PRR5L: variants seen among roughly 807,000 people sequenced by gnomAD.
The protein encoded by PRR5L is proline rich 5 like, also known as proline-rich protein 5-like.
A neutral mutation model predicts 36.4 loss-of-function variants in PRR5L; 21 were observed. That is an observed-to-expected ratio of 0.58 (90% CI 0.41 to 0.83). The LOEUF is 0.83. Ranked by LOEUF, PRR5L falls within the 40% of genes least tolerant of loss-of-function variation. The probability of loss-of-function intolerance (pLI) is 0.00; values close to 1 mark genes in which losing one functional copy is unlikely to be tolerated. For missense variants in PRR5L, 381 were observed against 473.3 expected (o/e 0.80, Z 1.81); for synonymous variants, 188 against 197.0 (o/e 0.95, Z 0.38).
At chr11:36,359,321 C>T (rs1857060875) in intron 1 of PRR5L, among the ~76,000 whole-genome samples, 1 of 152,202 alleles carries the variant, frequency 6.6e-6, no homozygotes, top group Non-Finnish European at 1.5e-5. Flanking sequence ...AGAGAGGCCA[C>T]AGTCACTTCC....
At chr11:36,327,974 G>A (rs1856681906) in intron 1 of PRR5L, among the ~76,000 whole-genome samples, 1 of 151,814 alleles carries the variant, frequency 6.6e-6, no homozygotes, top group African/African-American at 2.4e-5. Context: ...CTGGGTACAT[G>A]TTCTCAGGAC....
In PRR5L at chr11:36,390,103, AG is replaced by A. The variant is rs1290571191; in HGVS notation, c.-125-10893del. On this transcript the variant is annotated intron_variant, in intron 1 of 8. Coordinates refer to ENST00000530639, the MANE Select transcript of PRR5L (RefSeq NM_001160167.2). ...ACAAACCTATAACAAATAATTCTGT[AG>A]TCATTTATTAAGGCAGATTATGACA... Among the ~76,000 whole-genome samples, 14 of 152,322 alleles carry A rather than the reference AG, an allele frequency of 9.2e-5. No homozygotes were observed. In the Middle Eastern group the frequency reaches 0.01, roughly 111 times the overall value.
chr11:36,436,071 C>A (rs1313318264), intron 5 of PRR5L, among the ~76,000 whole-genome samples: 1 of 152,152 alleles, frequency 6.6e-6, no homozygotes, highest in African/African-American at 2.4e-5. Flanking sequence ...TGAATTTCAC[C>A]CTGACCTTTC....
intron 1 of PRR5L, among the ~76,000 whole-genome samples, chr11:36,391,199 C>T (rs1165822316): frequency 6.6e-6 from 1 of 152,176 alleles, no homozygotes; most frequent in Non-Finnish European, 1.5e-5. Flanking sequence ...TATAAGCCAC[C>T]CACTTCTTTA....
At chr11:36,374,107 T>TTCCTTCCTTCCTTCCTGC (rs1554989613) in intron 1 of PRR5L, among the ~76,000 whole-genome samples, 1 of 90,506 alleles carries the variant, frequency 1.1e-5, no homozygotes, top group Non-Finnish European at 2.5e-5. Context: ...CCTTCCTTCC[T>TTCCTTCCTTCCTTCCTGC]CTCTCTCTCT....
intron 1 of PRR5L, among the ~76,000 whole-genome samples, chr11:36,333,944 G>A (rs1590451329): frequency 2.0e-5 from 3 of 152,186 alleles, no homozygotes; most frequent in South Asian, 4.1e-4. Flanking sequence ...GGCTAGTAAA[G>A]CAGTCCACAC....
At chr11:36,439,525 C>T (rs1858676875) in intron 6 of PRR5L, among the ~76,000 whole-genome samples, 1 of 152,206 alleles carries the variant, frequency 6.6e-6, no homozygotes, top group South Asian at 2.1e-4. Flanking sequence ...ATGGCCCCCA[C>T]CTTGCTGGCT....
chr11:36,313,999 C>T (rs1030471059), intron 1 of PRR5L, among the ~76,000 whole-genome samples: 1 of 152,086 alleles, frequency 6.6e-6, no homozygotes, highest in African/African-American at 2.4e-5. Context: ...TATTTAAATT[C>T]CATGTGCTTC....
chr11:36,342,236 T>G (rs1441732765), intron 1 of PRR5L, among the ~76,000 whole-genome samples: 1 of 152,198 alleles, frequency 6.6e-6, no homozygotes, highest in Non-Finnish European at 1.5e-5. Flanking sequence ...TAGAGAAGTT[T>G]CTATAAACCG....
At chr11:36,304,719 A>G (rs1249538559) in intron 1 of PRR5L, among the ~76,000 whole-genome samples, 3 of 152,230 alleles carry the variant, frequency 2.0e-5, no homozygotes, top group African/African-American at 7.2e-5. Context: ...GCCATGATAT[A>G]TAAATTAATT....
At position 36,401,243 on chromosome 11, in the gene PRR5L, C is replaced by T. The variant is rs567974104; in HGVS notation, c.122C>T (p.Ala41Val). 6.2e-7 allele frequency: 1 copy of T among 1,613,280 alleles called. No individual in the cohort carries two copies. Residue 41 changes from alanine to valine, a missense_variant, in exon 2 of 9, where the codon GCT (alanine) becomes GTT (valine). Physicochemically the swap from Ala to Val is moderately conservative, Grantham distance 64 (BLOSUM62 0). Transcript: ENST00000530639. ...AGCGACCTTCCCCGATTCCAAGCAGCTCGGCAGGCTCTGCAGCTGAGCTCC... is the reference window on the plus strand; with the variant it reads ...AGCGACCTTCCCCGATTCCAAGCAGTTCGGCAGGCTCTGCAGCTGAGCTCC... ...VLSDLPRFQA[A>V]RQALQLSSSS...
intron 8 of PRR5L, chr11:36,455,484 C>A (rs1402320023): frequency 1.3e-5 from 2 of 153,002 alleles, no homozygotes; most frequent in South Asian, 2.1e-4. Flanking sequence ...CTTGGCCTCA[C>A]CCCGTGTGAA....
rs754055559 is a variant in PRR5L, at chr11:36,419,242, C to T, written c.246-13C>T. On this transcript the variant is annotated splice_polypyrimidine_tract_variant and intron_variant, in intron 3 of 8. Coordinates refer to ENST00000530639, the MANE Select transcript of PRR5L (RefSeq NM_001160167.2). The stretch of plus-strand genomic sequence containing the variant: ...GGCTGCTTGACGGTGTTTCTCTTCT[C>T]CCTTCTCCCCAGGCGGCTGTTGAAG... 3.1e-6 allele frequency: 5 copies of T among 1,613,610 alleles called. No individual in the cohort carries two copies. The highest frequency in any genetic ancestry group is 4.2e-6 in the Non-Finnish European group (5 of 1,179,540).
intron 6 of PRR5L, among the ~76,000 whole-genome samples, chr11:36,444,058 T>A (rs1243045949): frequency 1.3e-5 from 2 of 152,352 alleles, no homozygotes; most frequent in East Asian, 3.9e-4. Flanking sequence ...GATATGCTGA[T>A]AAAATATGCC....
chr11:36,383,942 C>T (rs369343995), intron 1 of PRR5L, among the ~76,000 whole-genome samples: 2 of 151,996 alleles, frequency 1.3e-5, no homozygotes, highest in Admixed American at 1.3e-4. Flanking sequence ...GTGATCTGCC[C>T]GCCTCGGCCT....
At chr11:36,340,927 G>A (rs1295156236) in intron 1 of PRR5L, among the ~76,000 whole-genome samples, 1 of 152,154 alleles carries the variant, frequency 6.6e-6, no homozygotes, top group Non-Finnish European at 1.5e-5. Context: ...GCCAGCTGTG[G>A]TAGAGAGAGC....
intron 8 of PRR5L, among the ~76,000 whole-genome samples, chr11:36,460,235 A>T (rs542736567): frequency 6.6e-6 from 1 of 152,292 alleles, no homozygotes; most frequent in South Asian, 2.1e-4. Flanking sequence ...AAAATGACCA[A>T]ATTTCTGTCT....
chr11:36,372,579 C>A (rs939685058), intron 1 of PRR5L, among the ~76,000 whole-genome samples: 2 of 152,162 alleles, frequency 1.3e-5, no homozygotes, highest in African/African-American at 4.8e-5. Context: ...GTGTCCGCAT[C>A]CCTTGCAAGC....
At chr11:36,400,933 C>T in intron 1 of PRR5L, 64 bp from the exon 2 acceptor site, 1 of 1,303,136 alleles carries the variant, frequency 7.7e-7, no homozygotes, top group South Asian at 2.0e-5. Flanking sequence ...AAGTCCCAGC[C>T]AACTTCCTCT....
Sources: allele counts gnomAD v4.1 joint callset (sites outside exome capture counted in the v4.1 genomes callset), GRCh38; gene constraint gnomAD v4.1.1; transcripts MANE v1.5; gene names NCBI Gene and HGNC (gene_info 2026-07-23, HGNC 2026-07-21).